Variants in KCNMA1 observed in about 807,000 individuals in gnomAD.
KCNMA1 encodes the protein potassium calcium-activated channel subfamily M alpha 1, also known as Calcium-activated potassium channel subunit alpha-1.
In KCNMA1, 29 loss-of-function variants were observed where a neutral mutation model predicts 140.0. The observed-to-expected ratio is 0.21, with a 90% CI of 0.15 to 0.28. The LOEUF is 0.28. Among genes scored for constraint, KCNMA1 ranks in the 10% least tolerant of loss-of-function variants. KCNMA1 has a pLI of 1.00. For synonymous variants in KCNMA1, 612 were observed against 611.9 expected, an observed-to-expected ratio of 1.00 and a Z score of 0.00; for missense variants, 880 against 1,602.2, an observed-to-expected ratio of 0.55 and a Z score of 7.70.
At chr10:77,353,595 A>G (rs2093145712) in intron 2 of KCNMA1, among the ~76,000 whole-genome samples, 1 of 152,004 alleles carries the variant, frequency 6.6e-6, no homozygotes, top group Non-Finnish European at 1.5e-5. Flanking sequence ...GAAGGTATAT[A>G]TAATATATAC....
intron 9 of KCNMA1, chr10:77,091,768 C>A (rs1468243345): frequency 6.6e-6 from 1 of 152,182 alleles, no homozygotes; most frequent in Non-Finnish European, 1.5e-5. Context: ...AGCTCATTGG[C>A]TGGAGGTGGC....
chr10:77,013,454 T>A (rs2091326602), intron 17 of KCNMA1, among the ~76,000 whole-genome samples: 1 of 152,152 alleles, frequency 6.6e-6, no homozygotes, highest in African/African-American at 2.4e-5. Context: ...AAAGAAATCC[T>A]AGCTGACTGT....
intron 16 of KCNMA1, among the ~76,000 whole-genome samples, chr10:77,024,325 A>G (rs1160743631): frequency 6.6e-6 from 1 of 152,136 alleles, no homozygotes. Context: ...CTCTATTTAT[A>G]CACATGTACT....
intron 2 of KCNMA1, among the ~76,000 whole-genome samples, chr10:77,305,265 T>C (rs1166315520): frequency 6.6e-6 from 1 of 152,216 alleles, no homozygotes; most frequent in Non-Finnish European, 1.5e-5. Context: ...CTCTATCAGC[T>C]TACCTTAAAA....
intron 23 of KCNMA1, among the ~76,000 whole-genome samples, chr10:76,942,382 T>C (rs1194695125): frequency 1.3e-5 from 2 of 152,226 alleles, no homozygotes; most frequent in Non-Finnish European, 2.9e-5. Flanking sequence ...AATGTATGTA[T>C]TTGGCAGGGA....
At chr10:77,176,966 C>A (rs1191332504) in intron 5 of KCNMA1, among the ~76,000 whole-genome samples, 1 of 151,996 alleles carries the variant, frequency 6.6e-6, no homozygotes, top group Non-Finnish European at 1.5e-5. Flanking sequence ...AAGAAGGAGG[C>A]AAAGAAGAGA....
At chr10:77,147,828 T>C (rs1245695856) in intron 5 of KCNMA1, 1 of 152,208 alleles carries the variant, frequency 6.6e-6, no homozygotes, top group East Asian at 1.9e-4. Flanking sequence ...GGTTTGATTA[T>C]TGAGACTTTT....
intron 5 of KCNMA1, among the ~76,000 whole-genome samples, chr10:77,156,615 G>A (rs1335428829): frequency 6.6e-6 from 1 of 152,210 alleles, no homozygotes. Context: ...GTTATAAGAG[G>A]TGCCTGAATT....
intron 1 of KCNMA1, among the ~76,000 whole-genome samples, chr10:77,621,745 T>G (rs1372667926): frequency 6.6e-6 from 1 of 152,078 alleles, no homozygotes; most frequent in Non-Finnish European, 1.5e-5. Context: ...CTGGGCAACA[T>G]GGCGAAACTC....
intron 19 of KCNMA1, among the ~76,000 whole-genome samples, chr10:76,991,972 CT>C (rs2153345884): frequency 6.6e-6 from 1 of 152,318 alleles, no homozygotes; most frequent in Non-Finnish European, 1.5e-5. Context: ...GTCTTTCTCA[CT>C]TCATTTATAA....
At chr10:77,124,718 A>G (rs967588638) in intron 5 of KCNMA1, among the ~76,000 whole-genome samples, 2 of 152,196 alleles carry the variant, frequency 1.3e-5, no homozygotes, top group Non-Finnish European at 2.9e-5. Flanking sequence ...GAAGTTCTCC[A>G]TAGGTTAAAA....
chr10:77,082,042 T>G, intron 12 of KCNMA1, among the ~76,000 whole-genome samples: 1 of 125,402 alleles, frequency 8.0e-6, no homozygotes. Context: ...TTTTTTTTTT[T>G]AAGACGGAGC....
At chr10:77,159,382 T>G (rs1406411370) in intron 5 of KCNMA1, among the ~76,000 whole-genome samples, 1 of 152,186 alleles carries the variant, frequency 6.6e-6, no homozygotes, top group African/African-American at 2.4e-5. Context: ...CTTAGATAGA[T>G]GTTCCCTCAG....
intron 1 of KCNMA1, among the ~76,000 whole-genome samples, chr10:77,541,820 G>T (rs1354991633): frequency 1.3e-5 from 2 of 152,170 alleles, no homozygotes; most frequent in Non-Finnish European, 2.9e-5. Flanking sequence ...GCCTAGGGGT[G>T]AGGCCCAGGC....
At chr10:77,099,397 T>C (rs1371033441) in intron 9 of KCNMA1, among the ~76,000 whole-genome samples, 1 of 152,172 alleles carries the variant, frequency 6.6e-6, no homozygotes, top group Non-Finnish European at 1.5e-5. Flanking sequence ...CCATTCACTC[T>C]GTAGACTCAA....
At chr10:77,122,185 C>T (rs2097620178) in intron 5 of KCNMA1, among the ~76,000 whole-genome samples, 1 of 152,002 alleles carries the variant, frequency 6.6e-6, no homozygotes, top group African/African-American at 2.4e-5. Flanking sequence ...CTGCACGCAA[C>T]GTGGAGCTGT....
chr10:77,194,556 C>T (rs1755438024), intron 3 of KCNMA1, among the ~76,000 whole-genome samples: 1 of 152,144 alleles, frequency 6.6e-6, no homozygotes, highest in Admixed American at 6.6e-5. Context: ...GAAGCTAAAA[C>T]TATTGAATCG....
At chr10:77,551,345 AC>A (rs1645877991) in intron 1 of KCNMA1, among the ~76,000 whole-genome samples, 2 of 152,234 alleles carry the variant, frequency 1.3e-5, no homozygotes. Context: ...TATGTCACAG[AC>A]AGAGGCACAG....
chr10:77,241,584 G>A (rs943271066), intron 3 of KCNMA1, among the ~76,000 whole-genome samples: 4 of 151,988 alleles, frequency 2.6e-5, no homozygotes, highest in Non-Finnish European at 5.9e-5. Context: ...GGAGGCAGAG[G>A]TTGTTGTGAG....
Sources: allele counts gnomAD v4.1 joint callset (sites outside exome capture counted in the v4.1 genomes callset), GRCh38; gene constraint gnomAD v4.1.1; transcripts MANE v1.5; gene names NCBI Gene and HGNC (gene_info 2026-07-23, HGNC 2026-07-21).